ACSBG2: variants seen among roughly 807,000 people sequenced by gnomAD.
ACSBG2 encodes long-chain-fatty-acid--CoA ligase ACSBG2.
ACSBG2 carries 62 observed loss-of-function variants against 74.7 expected under a neutral mutation model. That is an observed-to-expected ratio of 0.83 (90% CI 0.68 to 1.03). ACSBG2 has a LOEUF of 1.03. Ranked by LOEUF, ACSBG2 falls within the 50% of genes least tolerant of loss-of-function variation. The pLI, the probability that ACSBG2 is intolerant of heterozygous loss-of-function variation, is 0.00. For synonymous variants in ACSBG2, 309 were observed against 294.1 expected (o/e 1.05, Z -0.52); for missense variants, 730 against 817.6 (o/e 0.89, Z 1.31).
chr19:6,164,908 G>C (rs1897079404), intron 6 of ACSBG2, among the ~76,000 whole-genome samples: 1 of 152,142 alleles, frequency 6.6e-6, no homozygotes, highest in African/African-American at 2.4e-5. Context: ...CCTTGGGTTT[G>C]AATGCTAGCT....
At position 6,165,846 on chromosome 19, in the gene ACSBG2, C is replaced by T. The variant is rs1568236798; in HGVS notation, c.589-20C>T. 1.2e-6 allele frequency: 2 copies of T among 1,613,544 alleles called. No individual in the cohort carries two copies. The highest frequency in any genetic ancestry group is 2.2e-5 in the South Asian group (2 of 91,060). On this transcript the variant is annotated intron_variant, in intron 6 of 14. Coordinates refer to ENST00000588485, the MANE Select transcript of ACSBG2 (RefSeq NM_030924.5). The stretch of plus-strand genomic sequence containing the variant: ...CTCCCGACTGCCTTCTCATCCTCCG[C>T]TTGTCTTTTCTGTCCACAGTGGGAT...
chr19:6,177,362 C>T lies in ACSBG2; in HGVS notation c.872C>T (p.Ala291Val), dbSNP rs771566403. The T allele has an allele frequency of 3.9e-5, 62 of 1,607,330 alleles. No individual in the cohort carries two copies. The highest frequency in any genetic ancestry group is 2.4e-4 in the South Asian group (22 of 90,174). Residue 291 changes from alanine to valine, a missense_variant, in exon 8 of 15, where the codon GCG becomes GTG. Physicochemically the swap from Ala to Val is moderately conservative, Grantham distance 64. Coordinates refer to ENST00000588485, the MANE Select transcript of ACSBG2 (RefSeq NM_030924.5). The part of the protein sequence containing the change: ...MDIWVPIKIG[A>V]LTYFAQADAL... ...ATCTGGGTACCCATAAAGATTGGGG[C>T]GCTCACATACTTTGCTCAAGCAGAT...
chr19:6,169,361 T>C (rs927146996), intron 7 of ACSBG2, among the ~76,000 whole-genome samples: 1 of 152,200 alleles, frequency 6.6e-6, no homozygotes, highest in African/African-American at 2.4e-5. Flanking sequence ...TCCTTCCCCA[T>C]TGTTTATTTT....
At chr19:6,184,837 A>G (rs1440414544) in intron 10 of ACSBG2, among the ~76,000 whole-genome samples, 11 of 96,788 alleles carry the variant, frequency 1.1e-4, no homozygotes, top group African/African-American at 8.4e-4. Flanking sequence ...GAGATGAAAA[A>G]AAAAAAAAAA....
In ACSBG2 at chr19:6,182,900, T is replaced by C. The variant is rs756627200; in HGVS notation, c.1056T>C (p.Ile352=). 4 of 1,614,086 alleles carry C rather than the reference T, an allele frequency of 2.5e-6. No individual in the cohort carries two copies. The Admixed American group carries it at 6.7e-5, about 27-fold the overall frequency. ...KKKAFVWARN[I]GFKVNSKKML... is the part of the protein sequence containing the mutation. The stretch of plus-strand genomic sequence containing the variant: ...AGGCATTCGTGTGGGCAAGAAACAT[T>C]GGCTTCAAGGTCAACTCAAAAAAGA... Residue 352 remains isoleucine, a synonymous_variant, in exon 9 of 15, where the codon ATT becomes ATC. Transcript: ENST00000588485.
At chr19:6,181,768 C>T (rs1373649467) in intron 8 of ACSBG2, among the ~76,000 whole-genome samples, 2 of 142,510 alleles carry the variant, frequency 1.4e-5, no homozygotes, top group African/African-American at 2.6e-5. Flanking sequence ...TTTGTGGAAG[C>T]GTTTGTTTGT....
chr19:6,182,989 C>G (rs767130162), intron 9 of ACSBG2, 50 bp from the exon 10 acceptor site: 1 of 1,612,688 alleles, frequency 6.2e-7, no homozygotes, highest in Admixed American at 1.7e-5. Context: ...TCAGCCTTCT[C>G]CAGTGGGTCC....
intron 11 of ACSBG2, among the ~76,000 whole-genome samples, 200 bp from the exon 12 acceptor site, chr19:6,187,083 C>A (rs186330467): frequency 3.3e-5 from 5 of 150,402 alleles, no homozygotes; most frequent in African/African-American, 1.2e-4. Flanking sequence ...CAGCTCACTG[C>A]AACCTCCGCC....
At chr19:6,142,635 C>T (rs1041957172) in intron 2 of ACSBG2, among the ~76,000 whole-genome samples, 1 of 150,206 alleles carries the variant, frequency 6.7e-6, no homozygotes, top group African/African-American at 2.5e-5. Flanking sequence ...TGCCTATAGT[C>T]CCAGCTATTC....
intron 10 of ACSBG2, 54 bp downstream of exon 10, chr19:6,183,326 G>A (rs2090316132): frequency 1.3e-6 from 2 of 1,521,602 alleles, no homozygotes; most frequent in Admixed American, 1.7e-5. Flanking sequence ...GGTCAAGAGG[G>A]GGAAGGTGGG....
At chr19:6,184,714 A>G (rs1318186182) in intron 10 of ACSBG2, among the ~76,000 whole-genome samples, 1 of 151,502 alleles carries the variant, frequency 6.6e-6, no homozygotes, top group African/African-American at 2.4e-5. Context: ...TGGTTGCCGT[A>G]CTTAAAATTA....
chr19:6,182,882 C>T lies in ACSBG2; in HGVS notation c.1038C>T (p.Phe346=), dbSNP rs149469974. ...AKSMGLKKKA[F]VWARNIGFKV... Reference sequence around the variant, plus strand: ...CCATGGGCTTGAAGAAGAAGGCATTCGTGTGGGCAAGAAACATTGGCTTCA... The same window carrying T: ...CCATGGGCTTGAAGAAGAAGGCATTTGTGTGGGCAAGAAACATTGGCTTCA... Residue 346 remains phenylalanine (F), a synonymous_variant, in exon 9 of 15, where the codon TTC becomes TTT. Transcript: ENST00000588485. 38 of 1,613,960 alleles carry T rather than the reference C, an allele frequency of 2.4e-5. No individual in the cohort carries two copies. The African/African-American group carries it at 4.3e-4, about 18-fold the overall frequency.
chr19:6,191,318 C>T (rs2090557271), intron 14 of ACSBG2: 1 of 152,020 alleles, frequency 6.6e-6, no homozygotes, highest in Non-Finnish European at 1.5e-5. Flanking sequence ...TATAGGCTGC[C>T]TGTAACCTTT....
chr19:6,137,280 G>A (rs1381049834), intron 1 of ACSBG2: 1 of 147,716 alleles, frequency 6.8e-6, no homozygotes, highest in Non-Finnish European at 1.5e-5. Context: ...GAGGCCCCCA[G>A]CTCTACAAAA....
At chr19:6,161,499 G>A (rs2089615282) in intron 6 of ACSBG2, 1 of 496,006 alleles carries the variant, frequency 2.0e-6, no homozygotes, top group Non-Finnish European at 3.7e-6. Flanking sequence ...AAGTGGGTGT[G>A]ACCTTTCAAA....
Position 6,161,263 on chromosome 19 carries a change from C to T in ACSBG2, c.556C>T (p.Leu186=). The T allele has an allele frequency of 6.2e-7, 1 of 1,613,602 alleles. No individual in the cohort carries two copies. The highest frequency in any genetic ancestry group is 1.3e-5 in the African/African-American group (1 of 75,006). ...EPLKAIIQYR[L]PMKKNNNLYS... is the part of the protein sequence containing the mutation. ...CCTAAAAGCGATCATCCAGTACAGA[C>T]TGCCAATGAAGAAGAACAACAACTT... is the stretch of plus-strand genomic sequence containing the variant. Residue 186 remains leucine (L), a synonymous_variant, in exon 6 of 15, where the codon CTG becomes TTG. Coordinates refer to ENST00000588485, the MANE Select transcript of ACSBG2 (RefSeq NM_030924.5).
chr19:6,142,021 G>A (rs1326144751), intron 2 of ACSBG2, among the ~76,000 whole-genome samples: 2 of 152,240 alleles, frequency 1.3e-5, no homozygotes, highest in African/African-American at 2.4e-5. Context: ...GTGGGCCACC[G>A]TGCCCAGCCT....
At chr19:6,184,897 G>A (rs1385588673) in intron 10 of ACSBG2, among the ~76,000 whole-genome samples, 2 of 135,876 alleles carry the variant, frequency 1.5e-5, no homozygotes, top group Non-Finnish European at 3.1e-5. Flanking sequence ...CAATGCTGCT[G>A]GATTTTCTTT....
chr19:6,155,918 A>G (rs2089404926), intron 4 of ACSBG2, among the ~76,000 whole-genome samples: 1 of 94,236 alleles, frequency 1.1e-5, no homozygotes, highest in Admixed American at 1.2e-4. Context: ...CAGTAATAAA[A>G]AGGCAAAAAA....
Sources: allele counts gnomAD v4.1 joint callset (sites outside exome capture counted in the v4.1 genomes callset), GRCh38; gene constraint gnomAD v4.1.1; transcripts MANE v1.5; gene names NCBI Gene and HGNC (gene_info 2026-07-23, HGNC 2026-07-21).